Variants in VPS41 observed in about 807,000 individuals in gnomAD.
The protein encoded by VPS41 is vacuolar protein sorting-associated protein 41 homolog.
In VPS41, 85 loss-of-function variants were observed where a neutral mutation model predicts 130.9. The ratio of observed to expected loss-of-function variants is 0.65; its 90% CI spans 0.55 to 0.78. The LOEUF (loss-of-function observed/expected upper bound fraction) is 0.78, where lower values mean the gene tolerates loss of function less well. Ranked by LOEUF, VPS41 falls within the 30% of genes least tolerant of loss-of-function variation. The pLI is 0.00. For synonymous variants in VPS41, 335 were observed against 332.9 expected (o/e 1.01, Z -0.07); for missense variants, 874 against 1,018.7 (o/e 0.86, Z 1.93).
intron 22 of VPS41, 143 bp downstream of exon 22, chr7:38,752,033 A>C: frequency 8.0e-7 from 1 of 1,257,686 alleles, no homozygotes; most frequent in South Asian, 1.5e-5. Context: ...GTCCCAGCCA[A>C]AAACCTACTT....
chr7:38,801,044 G>C (rs554715968), intron 7 of VPS41, among the ~76,000 whole-genome samples: 123 of 152,264 alleles, frequency 8.1e-4, no homozygotes, highest in African/African-American at 2.6e-3. Flanking sequence ...TGTTATACTT[G>C]GTGTGCTCCG....
At chr7:38,880,875 C>CTTCA (rs1474824884) in intron 2 of VPS41, among the ~76,000 whole-genome samples, 1 of 152,136 alleles carries the variant, frequency 6.6e-6, no homozygotes, top group East Asian at 1.9e-4. Context: ...CACTCTTGAA[C>CTTCA]AATCATCAGA....
At chr7:38,796,609 G>C in intron 8 of VPS41, 136 bp downstream of exon 8, 1 of 1,283,226 alleles carries the variant, frequency 7.8e-7, no homozygotes, top group Non-Finnish European at 1.1e-6. Flanking sequence ...TCCTAGGTAT[G>C]ATACCAATCG....
chr7:38,738,247 TTGTG>T (rs1795811604), intron 25 of VPS41, among the ~76,000 whole-genome samples: 1 of 152,232 alleles, frequency 6.6e-6, no homozygotes, highest in Non-Finnish European at 1.5e-5. Flanking sequence ...TAGAGATTAC[TTGTG>T]GCTGTAAAAG....
At chr7:38,799,023 G>A (rs1001500366) in intron 7 of VPS41, among the ~76,000 whole-genome samples, 3 of 152,078 alleles carry the variant, frequency 2.0e-5, no homozygotes, top group South Asian at 4.2e-4. Flanking sequence ...GGGCAGGAAC[G>A]AAGGGGAGTG....
intron 3 of VPS41, among the ~76,000 whole-genome samples, chr7:38,865,078 T>C (rs1786199919): frequency 6.6e-6 from 1 of 152,190 alleles, no homozygotes; most frequent in Non-Finnish European, 1.5e-5. Context: ...TAATATCATC[T>C]ACCTTCACAT....
intron 7 of VPS41, among the ~76,000 whole-genome samples, chr7:38,805,451 T>C (rs1334502019): frequency 6.6e-6 from 1 of 151,960 alleles, no homozygotes; most frequent in South Asian, 2.1e-4. Flanking sequence ...AAGAATCACT[T>C]GAACCTGGGA....
At chr7:38,844,986 C>T (rs1406818043) in intron 4 of VPS41, among the ~76,000 whole-genome samples, 1 of 152,202 alleles carries the variant, frequency 6.6e-6, no homozygotes, top group Non-Finnish European at 1.5e-5. Context: ...GGCCTTTCCA[C>T]CTACAGAAGA....
intron 4 of VPS41, among the ~76,000 whole-genome samples, chr7:38,847,041 C>T (rs1785741819): frequency 6.6e-6 from 1 of 151,918 alleles, no homozygotes; most frequent in Admixed American, 6.6e-5. Context: ...CCCAGTAGAC[C>T]ACACCAAAAA....
chr7:38,759,605 A>G (rs574097842), intron 17 of VPS41, among the ~76,000 whole-genome samples: 35 of 152,330 alleles, frequency 2.3e-4, no homozygotes, highest in African/African-American at 3.8e-4. Flanking sequence ...AGGTCGTGCC[A>G]TCTACTTCTG....
chr7:38,778,411 C>T (rs1008698776), intron 10 of VPS41, among the ~76,000 whole-genome samples: 29 of 152,074 alleles, frequency 1.9e-4, no homozygotes, highest in African/African-American at 6.3e-4. Context: ...TGCACGTGGG[C>T]GGTGAAGCAG....
At chr7:38,735,441 A>C (rs1385443909) in intron 25 of VPS41, among the ~76,000 whole-genome samples, 1 of 152,144 alleles carries the variant, frequency 6.6e-6, no homozygotes, top group Non-Finnish European at 1.5e-5. Flanking sequence ...AGGCATGGAG[A>C]TGTCTGAAAT....
At chr7:38,856,324 C>A (rs1160274114) in intron 4 of VPS41, among the ~76,000 whole-genome samples, 2 of 151,900 alleles carry the variant, frequency 1.3e-5, no homozygotes, top group East Asian at 3.9e-4. Context: ...ATTTAATTAC[C>A]CCCCAAGTCC....
chr7:38,774,971 C>T (rs1199346873), intron 11 of VPS41, among the ~76,000 whole-genome samples: 6 of 152,088 alleles, frequency 3.9e-5, no homozygotes, highest in African/African-American at 7.2e-5. Flanking sequence ...CACAGACATA[C>T]GCAGGGAAAA....
intron 6 of VPS41, among the ~76,000 whole-genome samples, chr7:38,819,208 G>A: frequency 6.6e-6 from 1 of 152,170 alleles, no homozygotes; most frequent in Non-Finnish European, 1.5e-5. Context: ...CTCCTTCACT[G>A]TCTAACTTGC....
rs1260183862 is a variant in VPS41, at chr7:38,789,808, A to C, written c.777T>G (p.Val259=). ...SEMRDLPSRY[V]EIVSQFETEF... The stretch of plus-strand genomic sequence containing the variant: ...CAAGTGTTGGAGCCATACCTATTTC[A>C]ACATATCGACTTGGCAAATCCCTCA... The change falls in exon 10 of 29, where the codon GTT becomes GTG. Residue 259 remains valine, a synonymous_variant. Transcript: ENST00000310301. 3 of 1,613,726 alleles carry C rather than the reference A, an allele frequency of 1.9e-6. No individual in the cohort carries two copies. In the South Asian group the frequency reaches 3.3e-5, roughly 18 times the overall value.
chr7:38,832,390 G>T lies in VPS41; in HGVS notation c.247-2062C>A, dbSNP rs1303533956. ...GCTACAGTGCAGCGGCACAATCTCA[G>T]CTCACTGCAACCTCGCCTCCCGGGT... On this transcript the variant is annotated intron_variant, in intron 4 of 28. Transcript: ENST00000310301. Among the ~76,000 whole-genome samples, 4 of 142,632 alleles carry T rather than the reference G, an allele frequency of 2.8e-5. No homozygotes were observed. The Admixed American group carries it at 2.9e-4, about 10-fold the overall frequency. 93.6% of individuals were successfully genotyped at this position (142,632 alleles called of 152,430 possible). A position where few individuals can be genotyped will look rare whatever the true frequency, so the allele number is the denominator to read the frequency against.
intron 7 of VPS41, among the ~76,000 whole-genome samples, chr7:38,808,114 T>C (rs1465837407): frequency 6.6e-6 from 1 of 152,064 alleles, no homozygotes; most frequent in Non-Finnish European, 1.5e-5. Flanking sequence ...TAAAGGAAAA[T>C]GAAGTTGCTA....
Position 38,742,132 on chromosome 7 carries a change from C to G in VPS41, c.2123-11G>C, listed in dbSNP as rs1795894878. The stretch of plus-strand genomic sequence containing the variant: ...AGCCAGTAATAAATGCTACAAAATA[C>G]CACATAAAACAATGAACATATAAGC... On this transcript the variant is annotated splice_polypyrimidine_tract_variant and intron_variant, in intron 24 of 28. Coordinates refer to ENST00000310301, the MANE Select transcript of VPS41 (RefSeq NM_014396.4). 1.9e-6 allele frequency: 3 copies of G among 1,595,434 alleles called. No homozygotes were observed. The highest frequency in any genetic ancestry group is 1.7e-6 in the Non-Finnish European group (2 of 1,173,834).
Sources: allele counts gnomAD v4.1 joint callset (sites outside exome capture counted in the v4.1 genomes callset), GRCh38; gene constraint gnomAD v4.1.1; transcripts MANE v1.5; gene names NCBI Gene and HGNC (gene_info 2026-07-23, HGNC 2026-07-21).